MERTK: variants seen among roughly 807,000 people sequenced by gnomAD.
The protein encoded by MERTK is MER proto-oncogene, tyrosine kinase, also known as tyrosine-protein kinase Mer.
A neutral mutation model predicts 99.3 loss-of-function variants in MERTK; 69 were observed. That is an observed-to-expected ratio of 0.70 (90% CI 0.57 to 0.85). The LOEUF (loss-of-function observed/expected upper bound fraction) is 0.85, where lower values mean the gene tolerates loss of function less well. Ranked by LOEUF, MERTK falls within the 40% of genes least tolerant of loss-of-function variation. MERTK has a pLI of 0.00. For missense variants in MERTK, 1,125 were observed against 1,249.4 expected, an observed-to-expected ratio of 0.90 and a Z score of 1.50; for synonymous variants, 426 against 467.6, an observed-to-expected ratio of 0.91 and a Z score of 1.15.
At chr2:111,905,433 CTTTTTTTTT>C (rs61232340) in intron 1 of MERTK, among the ~76,000 whole-genome samples, 54 of 85,268 alleles carry the variant, frequency 6.3e-4, no homozygotes, top group African/African-American at 2.5e-3. Context: ...CTACACTGTT[CTTTTTTTTT>C]TTTTTTTTTT....
intron 2 of MERTK, among the ~76,000 whole-genome samples, chr2:111,931,981 G>A (rs186023206): frequency 1.3e-5 from 2 of 152,280 alleles, no homozygotes; most frequent in East Asian, 3.9e-4. Flanking sequence ...TGATTAGTCA[G>A]TTTCTTGTTT....
At chr2:111,926,122 C>T (rs1413331557) in intron 1 of MERTK, among the ~76,000 whole-genome samples, 5 of 152,136 alleles carry the variant, frequency 3.3e-5, no homozygotes, top group African/African-American at 9.7e-5. Flanking sequence ...TGAGCCACTG[C>T]GCCCAGCCCC....
At chr2:111,924,329 G>C (rs765036066) in intron 1 of MERTK, among the ~76,000 whole-genome samples, 8 of 152,180 alleles carry the variant, frequency 5.3e-5, no homozygotes, top group African/African-American at 1.9e-4. Context: ...CTGAGCCTGA[G>C]CAGCCTCGAG....
Position 111,945,002 on chromosome 2 carries a change from T to C in MERTK, c.525T>C (p.Cys175=). The part of the protein sequence containing the change: ...VQRSDNGSYI[C]KMKINNEEIV... ...GTTCAGACAATGGGTCGTATATCTGTAAGATGAAAATAAACAATGAAGAGA... is the reference window on the plus strand; with the variant it reads ...GTTCAGACAATGGGTCGTATATCTGCAAGATGAAAATAAACAATGAAGAGA... The change falls in exon 3 of 19, where the codon TGT becomes TGC. Residue 175 remains cysteine, a synonymous_variant. Transcript: ENST00000295408. The C allele has an allele frequency of 6.2e-7, 1 of 1,613,854 alleles. No individual in the cohort carries two copies. Among genetic ancestry groups the C allele is most frequent in the Non-Finnish European group, 8.5e-7 (1 of 1,179,840 alleles).
intron 2 of MERTK, among the ~76,000 whole-genome samples, chr2:111,929,753 ATTTTTTT>A (rs72180817): frequency 7.0e-6 from 1 of 143,230 alleles, no homozygotes; most frequent in African/African-American, 2.6e-5. Flanking sequence ...CACCCAGCTA[ATTTTTTT>A]TTTTTTTTTT....
chr2:112,009,938 G>A lies in MERTK; in HGVS notation c.1961-10G>A, dbSNP rs541874996. 3.2e-6 allele frequency: 5 copies of A among 1,584,420 alleles called. No homozygotes were observed. In the South Asian group the frequency reaches 5.5e-5, roughly 18 times the overall value. On this transcript the variant is annotated splice_polypyrimidine_tract_variant and intron_variant, in intron 14 of 18. Transcript: ENST00000295408. Reference sequence around the variant, plus strand: ...ACTCTTTGTAATTGATGCTGTGTTTGTAATTTCAGGTGTGTGTATAGAAAT... The same window carrying A: ...ACTCTTTGTAATTGATGCTGTGTTTATAATTTCAGGTGTGTGTATAGAAAT...
chr2:111,945,595 C>T (rs780842359), intron 3 of MERTK, among the ~76,000 whole-genome samples: 5 of 152,180 alleles, frequency 3.3e-5, no homozygotes, highest in East Asian at 3.9e-4. Flanking sequence ...AATTCCATGA[C>T]ATCATATGAA....
At chr2:111,954,557 CAAAT>C (rs1198734635) in intron 4 of MERTK, among the ~76,000 whole-genome samples, 2 of 152,214 alleles carry the variant, frequency 1.3e-5, no homozygotes, top group African/African-American at 4.8e-5. Flanking sequence ...AATGAGCAAA[CAAAT>C]GAATTACAAA....
At chr2:111,959,907 CA>C (rs1385681305) in intron 4 of MERTK, among the ~76,000 whole-genome samples, 1 of 152,118 alleles carries the variant, frequency 6.6e-6, no homozygotes, top group African/African-American at 2.4e-5. Context: ...TTTTAAAACA[CA>C]AAAATACACA....
At chr2:111,931,291 G>T (rs1684664808) in intron 2 of MERTK, among the ~76,000 whole-genome samples, 1 of 152,070 alleles carries the variant, frequency 6.6e-6, no homozygotes, top group Non-Finnish European at 1.5e-5. Context: ...CATTACTCTG[G>T]CTGAGTCTCT....
chr2:112,006,061 T>C (rs1273227495), intron 13 of MERTK, among the ~76,000 whole-genome samples: 2 of 152,004 alleles, frequency 1.3e-5, no homozygotes, highest in East Asian at 3.9e-4. Flanking sequence ...TTGTATTTTT[T>C]TCTAGAGATG....
intron 16 of MERTK, among the ~76,000 whole-genome samples, chr2:112,021,161 C>T (rs911024726): frequency 7.2e-5 from 11 of 152,060 alleles, no homozygotes; most frequent in African/African-American, 2.4e-4. Flanking sequence ...GATCATGCCA[C>T]TGCACACCAG....
chr2:111,956,869 G>A (rs1404027360), intron 4 of MERTK, among the ~76,000 whole-genome samples: 3 of 151,868 alleles, frequency 2.0e-5, no homozygotes, highest in Non-Finnish European at 2.9e-5. Context: ...AGGCTAGTTA[G>A]GCATTTTTAA....
At chr2:111,903,003 T>A (rs1380246401) in intron 1 of MERTK, among the ~76,000 whole-genome samples, 1 of 152,206 alleles carries the variant, frequency 6.6e-6, no homozygotes, top group Non-Finnish European at 1.5e-5. Flanking sequence ...GGTCTCGAAC[T>A]CCTGACCTCA....
At chr2:111,916,549 T>G (rs1347185179) in intron 1 of MERTK, among the ~76,000 whole-genome samples, 1 of 152,174 alleles carries the variant, frequency 6.6e-6, no homozygotes, top group Admixed American at 6.5e-5. Context: ...TAAAATTTCC[T>G]TTTGATTTTT....
Position 111,965,284 on chromosome 2 carries a change from A to G in MERTK, c.844+7A>G. 6.2e-7 allele frequency: 1 copy of G among 1,613,974 alleles called. No individual in the cohort carries two copies. The highest frequency in any genetic ancestry group is 1.3e-5 in the African/African-American group (1 of 75,042). On this transcript the variant is annotated splice_region_variant and intron_variant, in intron 5 of 18. Transcript: ENST00000295408. ...GTGCAGATCAACATCAAAGGTAAGC[A>G]GCAAGGCTAGGCTCCCCATGCATGT...
chr2:111,934,185 G>A (rs748906643), intron 2 of MERTK, among the ~76,000 whole-genome samples: 70 of 152,060 alleles, frequency 4.6e-4, no homozygotes, highest in Non-Finnish European at 8.1e-4. Context: ...ATAAACATAC[G>A]TGTGCATATG....
chr2:111,989,289 C>G (rs1040294890), intron 8 of MERTK, among the ~76,000 whole-genome samples: 3 of 151,740 alleles, frequency 2.0e-5, no homozygotes, highest in Non-Finnish European at 2.9e-5. Flanking sequence ...GAGACAGAAA[C>G]TTTTATCTCA....
intron 1 of MERTK, among the ~76,000 whole-genome samples, chr2:111,918,923 G>GGACT (rs1684404815): frequency 6.6e-6 from 1 of 152,082 alleles, no homozygotes; most frequent in African/African-American, 2.4e-5. Flanking sequence ...TTAAACTTGG[G>GGACT]GACTCAGCAT....
Sources: allele counts gnomAD v4.1 joint callset (sites outside exome capture counted in the v4.1 genomes callset), GRCh38; gene constraint gnomAD v4.1.1; transcripts MANE v1.5; gene names NCBI Gene and HGNC (gene_info 2026-07-23, HGNC 2026-07-21).